MCUB: variants seen among roughly 807,000 people sequenced by gnomAD.
MCUB encodes mitochondrial calcium uniporter dominant negative subunit beta.
Under a neutral mutation model 41.4 loss-of-function variants are expected in MCUB, and 46 were observed. The ratio of observed to expected loss-of-function variants is 1.11; its 90% CI spans 0.88 to 1.42. MCUB has a LOEUF of 1.42. Among genes scored for constraint, MCUB ranks in the 40% most tolerant of loss-of-function variants. MCUB has a pLI of 0.00. For missense variants in MCUB, 403 were observed against 404.9 expected, an observed-to-expected ratio of 1.00 and a Z score of 0.04; for synonymous variants, 148 against 148.2, an observed-to-expected ratio of 1.00 and a Z score of 0.01.
chr4:109,623,533 T>G lies in MCUB; in HGVS notation c.100-35478T>G, dbSNP rs547317323. On this transcript the variant is annotated intron_variant, in intron 1 of 7. Transcript: ENST00000394650. ...GTACACGATAATTGTGGATAATAAA[T>G]ATTTCCCAGGACAAATATTTTATGT... is the stretch of plus-strand genomic sequence containing the variant. Among the ~76,000 whole-genome samples the G allele has an allele frequency of 3.3e-5, 5 of 152,318 alleles. No homozygotes were observed. In the East Asian group the frequency reaches 9.6e-4, roughly 29 times the overall value.
chr4:109,686,517 G>A (rs1288290714), intron 7 of MCUB, among the ~76,000 whole-genome samples: 1 of 152,162 alleles, frequency 6.6e-6, no homozygotes, highest in Non-Finnish European at 1.5e-5. Context: ...AAAATTTGTG[G>A]ATTCCCTTAT....
At chr4:109,582,205 G>T (rs913273294) in intron 1 of MCUB, among the ~76,000 whole-genome samples, 36 of 151,778 alleles carry the variant, frequency 2.4e-4, no homozygotes, top group Non-Finnish European at 2.9e-4. Flanking sequence ...CCATAAAAAA[G>T]GATGAGTTCA....
In MCUB at chr4:109,660,304, A is replaced by G. The variant is rs781249038; in HGVS notation, c.285A>G (p.Ser95=). The change falls in exon 3 of 8, where the codon TCA becomes TCG. Residue 95 remains serine, a synonymous_variant. Transcript: ENST00000394650. ...AACCAATGTTGTCAACAGTTGGTTCATTCCTTCAGGACCTACAAAATGAAG... is the reference window on the plus strand; with the variant it reads ...AACCAATGTTGTCAACAGTTGGTTCGTTCCTTCAGGACCTACAAAATGAAG... ...VVKPMLSTVG[S]FLQDLQNEDK... is the part of the protein sequence containing the mutation. The G allele has an allele frequency of 6.2e-7, 1 of 1,607,316 alleles. No homozygotes were observed. Among genetic ancestry groups the G allele is most frequent in the South Asian group, 1.1e-5 (1 of 90,898 alleles).
intron 1 of MCUB, among the ~76,000 whole-genome samples, chr4:109,597,598 C>T (rs1727600602): frequency 7.0e-6 from 1 of 142,828 alleles, no homozygotes; most frequent in African/African-American, 2.6e-5. Context: ...CAGAGGCGCC[C>T]CTCACCTCCC....
At chr4:109,592,287 G>A (rs946017528) in intron 1 of MCUB, among the ~76,000 whole-genome samples, 1 of 151,586 alleles carries the variant, frequency 6.6e-6, no homozygotes, top group African/African-American at 2.4e-5. Flanking sequence ...GCGTGTACCT[G>A]CAATCCCAGC....
chr4:109,573,827 G>A (rs111564177), intron 1 of MCUB, among the ~76,000 whole-genome samples: 2,364 of 151,094 alleles, frequency 0.016, 34 homozygotes, highest in Non-Finnish European at 0.024. Context: ...AGATGATTAA[G>A]ATGGTGAGAG....
chr4:109,641,377 T>C (rs1205638710), intron 1 of MCUB, among the ~76,000 whole-genome samples: 4 of 151,986 alleles, frequency 2.6e-5, no homozygotes, highest in Non-Finnish European at 5.9e-5. Flanking sequence ...GTGCTGGGAT[T>C]ACAGGCGTGA....
chr4:109,661,869 C>CTAATAATA (rs1335518323), intron 3 of MCUB, among the ~76,000 whole-genome samples: 1 of 152,110 alleles, frequency 6.6e-6, no homozygotes, highest in African/African-American at 2.4e-5. Context: ...CCCTTCTCTA[C>CTAATAATA]TAATAATACA....
At chr4:109,633,858 A>G (rs1471160978) in intron 1 of MCUB, among the ~76,000 whole-genome samples, 1 of 152,116 alleles carries the variant, frequency 6.6e-6, no homozygotes, top group Non-Finnish European at 1.5e-5. Flanking sequence ...GTTCTTATCT[A>G]AGAGACACCA....
intron 7 of MCUB, among the ~76,000 whole-genome samples, chr4:109,686,454 ATG>A (rs1351712824): frequency 2.0e-5 from 3 of 152,208 alleles, no homozygotes; most frequent in African/African-American, 7.2e-5. Flanking sequence ...TTTTTAAAAA[ATG>A]TATTTTATTT....
chr4:109,587,530 G>A lies in MCUB; in HGVS notation c.99+27094G>A, dbSNP rs9991115. On this transcript the variant is annotated intron_variant, in intron 1 of 7. Transcript: ENST00000394650. The stretch of plus-strand genomic sequence containing the variant: ...TCAGTTGGAAATGCAGAAATCACCC[G>A]TCTTCTGCGTCAATCACGCTGGGAG... Among the ~76,000 whole-genome samples the A allele has an allele frequency of 6.6e-3, 1,000 of 152,236 alleles. 10 individuals carry two copies. Among genetic ancestry groups the A allele is most frequent in the African/African-American group, 0.023 (935 of 41,524 alleles).
chr4:109,637,598 G>T (rs545789810), intron 1 of MCUB, among the ~76,000 whole-genome samples: 1 of 152,328 alleles, frequency 6.6e-6, no homozygotes, highest in African/African-American at 2.4e-5. Context: ...AATGGCATTT[G>T]CAACAACCTG....
chr4:109,632,028 C>A (rs1728484226), intron 1 of MCUB, among the ~76,000 whole-genome samples: 1 of 152,090 alleles, frequency 6.6e-6, no homozygotes, highest in Non-Finnish European at 1.5e-5. Context: ...TCTCATGTAG[C>A]CAATAACCAC....
At chr4:109,585,296 G>A (rs1727280996) in intron 1 of MCUB, among the ~76,000 whole-genome samples, 2 of 152,058 alleles carry the variant, frequency 1.3e-5, no homozygotes, top group South Asian at 4.1e-4. Flanking sequence ...CTTTCCATTT[G>A]CTTGGTAGAT....
intron 6 of MCUB, 24 bp from the exon 7 acceptor site, chr4:109,685,227 C>G: frequency 8.8e-6 from 8 of 909,144 alleles, no homozygotes; most frequent in Non-Finnish European, 1.4e-5. Context: ...ATGTTGTTTT[C>G]TTCTCTCTCT....
intron 1 of MCUB, among the ~76,000 whole-genome samples, chr4:109,606,041 C>G (rs986658099): frequency 1.3e-5 from 2 of 152,128 alleles, no homozygotes; most frequent in African/African-American, 2.4e-5. Flanking sequence ...GTGGTGCGAT[C>G]TCTGCTCGCT....
rs367642765 is a variant in MCUB, at chr4:109,584,785, A to G, written c.99+24349A>G. Among the ~76,000 whole-genome samples, 43 of 152,232 alleles carry G rather than the reference A, an allele frequency of 2.8e-4. No individual in the cohort carries two copies. The South Asian group carries it at 8.7e-3, about 31-fold the overall frequency. ...GTTTTGAATGAGTTTCTTAATCCTGAGTTCTAATTTGATTGCACTGTGTTC... is the reference window on the plus strand; with the variant it reads ...GTTTTGAATGAGTTTCTTAATCCTGGGTTCTAATTTGATTGCACTGTGTTC... On this transcript the variant is annotated intron_variant, in intron 1 of 7. Coordinates refer to ENST00000394650, the MANE Select transcript of MCUB (RefSeq NM_017918.5).
At chr4:109,668,550 T>C (rs1422561869) in intron 4 of MCUB, among the ~76,000 whole-genome samples, 1 of 152,122 alleles carries the variant, frequency 6.6e-6, no homozygotes, top group African/African-American at 2.4e-5. Context: ...GGGTTTCTTA[T>C]AGACAATATA....
intron 1 of MCUB, among the ~76,000 whole-genome samples, chr4:109,621,651 T>G (rs1728252360): frequency 6.6e-6 from 1 of 152,092 alleles, no homozygotes; most frequent in African/African-American, 2.4e-5. Flanking sequence ...TAAAGCAAAT[T>G]TTATCCCTTA....
Sources: allele counts gnomAD v4.1 joint callset (sites outside exome capture counted in the v4.1 genomes callset), GRCh38; gene constraint gnomAD v4.1.1; transcripts MANE v1.5; gene names NCBI Gene and HGNC (gene_info 2026-07-23, HGNC 2026-07-21).